Variants in ROBO2 observed in about 807,000 individuals in gnomAD.
ROBO2 encodes roundabout homolog 2.
A neutral mutation model predicts 160.8 loss-of-function variants in ROBO2; 53 were observed. The ratio of observed to expected loss-of-function variants is 0.33; its 90% CI spans 0.26 to 0.41. ROBO2 has a LOEUF of 0.41. ROBO2 is among the 10% of genes least tolerant of loss of function. The probability of loss-of-function intolerance (pLI) is 1.00; values close to 1 mark genes in which losing one functional copy is unlikely to be tolerated. For synonymous variants in ROBO2, 664 were observed against 611.7 expected (o/e 1.09, Z -1.26); for missense variants, 1,577 against 1,722.4 (o/e 0.92, Z 1.49).
At chr3:76,294,330 C>G (rs763969703) in intron 2 of ROBO2, among the ~76,000 whole-genome samples, 14 of 152,088 alleles carry the variant, frequency 9.2e-5, no homozygotes, top group Non-Finnish European at 1.6e-4. Flanking sequence ...CCGGCCTATT[C>G]TCAGCTCCGG....
exon 2 of ROBO2, chr3:75,937,490 T>C (rs1362443111): frequency 5.8e-6 from 9 of 1,549,910 alleles, no homozygotes; most frequent in Admixed American, 1.8e-5. Context: ...GAGTTTAAGA[T>C]GCAATGGCCA....
chr3:76,688,694 T>A (rs1472701353), intron 2 of ROBO2, among the ~76,000 whole-genome samples: 1 of 151,710 alleles, frequency 6.6e-6, no homozygotes, highest in Non-Finnish European at 1.5e-5. Flanking sequence ...TTTATGAAAA[T>A]AAAGCTGTCA....
chr3:77,289,318 A>G lies in ROBO2; in HGVS notation c.389-188096A>G, dbSNP rs1252297872. The stretch of plus-strand genomic sequence containing the variant: ...ACGGTTAAATGGGTAAGCTGAGGCT[A>G]GAGCACCAAAGACATAAAGTAAAAT... On this transcript the variant is annotated intron_variant, in intron 2 of 25. Transcript: ENST00000461745. Among the ~76,000 whole-genome samples, 4 of 152,314 alleles carry G rather than the reference A, an allele frequency of 2.6e-5. No homozygotes were observed. In the East Asian group the frequency reaches 7.7e-4, roughly 29 times the overall value.
chr3:77,551,100 T>G, intron 8 of ROBO2, 111 bp downstream of exon 9: 1 of 1,172,644 alleles, frequency 8.5e-7, no homozygotes, highest in Non-Finnish European at 1.2e-6. Flanking sequence ...TGTATGCTTA[T>G]CTTTTAAGTT....
intron 2 of ROBO2, among the ~76,000 whole-genome samples, chr3:76,002,883 G>A (rs1217074122): frequency 6.6e-6 from 1 of 152,126 alleles, no homozygotes; most frequent in Non-Finnish European, 1.5e-5. Context: ...CTCTGAGACA[G>A]TACACTTCTG....
chr3:76,749,911 G>A (rs2093953752), intron 2 of ROBO2, among the ~76,000 whole-genome samples: 2 of 151,914 alleles, frequency 1.3e-5, no homozygotes, highest in African/African-American at 2.4e-5. Context: ...TATTCCAATC[G>A]ACAGGAAAAG....
chr3:77,021,225 G>T (rs1007225735), intron 2 of ROBO2, among the ~76,000 whole-genome samples: 3 of 151,912 alleles, frequency 2.0e-5, no homozygotes, highest in Admixed American at 2.0e-4. Context: ...AGAAAGAAAA[G>T]AATACCCCAA....
chr3:77,472,459 T>A (rs1341560648), intron 2 of ROBO2, among the ~76,000 whole-genome samples: 1 of 152,188 alleles, frequency 6.6e-6, no homozygotes, highest in African/African-American at 2.4e-5. Context: ...AATGTTCCAA[T>A]TTTCCAAAAT....
intron 2 of ROBO2, among the ~76,000 whole-genome samples, chr3:76,943,319 A>G (rs987952264): frequency 4.6e-5 from 7 of 152,130 alleles, no homozygotes; most frequent in Admixed American, 3.3e-4. Flanking sequence ...GCTATCTGTT[A>G]GTAGTTGTGT....
chr3:76,736,236 C>T (rs928744499), intron 2 of ROBO2, among the ~76,000 whole-genome samples: 33 of 143,064 alleles, frequency 2.3e-4, no homozygotes, highest in African/African-American at 7.7e-4. Context: ...GAGCCGAGAT[C>T]GCGTCCCTGC....
intron 2 of ROBO2, among the ~76,000 whole-genome samples, chr3:77,279,640 A>AGTGT (rs1374217815): frequency 1.3e-5 from 2 of 152,124 alleles, no homozygotes; most frequent in Non-Finnish European, 2.9e-5. Context: ...TACACATACT[A>AGTGT]ACATGTGGAG....
At chr3:77,457,425 G>C (rs2081776514) in intron 2 of ROBO2, among the ~76,000 whole-genome samples, 1 of 152,086 alleles carries the variant, frequency 6.6e-6, no homozygotes, top group Non-Finnish European at 1.5e-5. Context: ...AAAATATAAA[G>C]AGAGATAAAG....
intron 2 of ROBO2, among the ~76,000 whole-genome samples, chr3:77,404,092 T>G (rs1180781719): frequency 3.3e-5 from 5 of 152,152 alleles, no homozygotes; most frequent in Non-Finnish European, 7.4e-5. Flanking sequence ...ACACTGAGGC[T>G]GCAAAAATGT....
In ROBO2 at chr3:77,261,251, G is replaced by T. The variant is rs1164104218; in HGVS notation, c.388+162911G>T. Among the ~76,000 whole-genome samples, 129 of 152,236 alleles carry T rather than the reference G, an allele frequency of 8.5e-4. 2 individuals carry two copies. The highest frequency in any genetic ancestry group is 6.8e-3 in the Middle Eastern group (2 of 294). On this transcript the variant is annotated intron_variant, in intron 2 of 25. Transcript: ENST00000461745. The stretch of plus-strand genomic sequence containing the variant: ...GCCTGGACCAAAATGGCAAATGTGT[G>T]CCTGGGGAAGCCACAGGAGGCTCCC...
intron 2 of ROBO2, among the ~76,000 whole-genome samples, chr3:77,177,896 AT>A (rs1451978750): frequency 1.2e-4 from 18 of 152,024 alleles, no homozygotes; most frequent in Admixed American, 8.5e-4. Flanking sequence ...CTAAATAAAT[AT>A]TATGCTTCCC....
At chr3:76,418,816 G>C (rs2075866688) in intron 2 of ROBO2, among the ~76,000 whole-genome samples, 1 of 151,520 alleles carries the variant, frequency 6.6e-6, no homozygotes, top group Non-Finnish European at 1.5e-5. Flanking sequence ...AATCAGTTCT[G>C]TCAATTGTTA....
intron 2 of ROBO2, among the ~76,000 whole-genome samples, chr3:76,909,246 C>G (rs1363232949): frequency 6.6e-6 from 1 of 152,126 alleles, no homozygotes; most frequent in East Asian, 1.9e-4. Context: ...AGACATTGAC[C>G]TTGTATAGTG....
chr3:76,572,345 C>T (rs903952879), intron 2 of ROBO2, among the ~76,000 whole-genome samples: 4 of 152,056 alleles, frequency 2.6e-5, no homozygotes, highest in African/African-American at 7.2e-5. Context: ...CTACTTGTGC[C>T]TGAGGTAGGG....
chr3:76,603,341 AAAAAAAAAAAATATATATATATATAT>A (rs1479491063), intron 2 of ROBO2, among the ~76,000 whole-genome samples: 1 of 55,452 alleles, frequency 1.8e-5, no homozygotes, highest in Non-Finnish European at 3.5e-5. Flanking sequence ...CCAAAAAAAA[AAAAAAAAAAAATATATATATATATAT>A]ATATATATAT....
Sources: gnomAD v4.1 joint callset for allele counts (sites outside exome capture counted in the v4.1 genomes callset) on GRCh38, gnomAD v4.1.1 for gene constraint, MANE v1.5 for transcripts, NCBI Gene and HGNC (gene_info 2026-07-23, HGNC 2026-07-21) for gene names.